The following CRYBG1 variants were observed in gnomAD, a reference collection of about 807,000 sequenced individuals.
The protein encoded by CRYBG1 is beta/gamma crystallin domain-containing protein 1.
CRYBG1 carries 139 observed loss-of-function variants against 189.2 expected under a neutral mutation model. That is an observed-to-expected ratio of 0.73 (90% CI 0.64 to 0.85). The LOEUF is 0.85. Ranked by LOEUF, CRYBG1 falls within the 40% of genes least tolerant of loss-of-function variation. The probability of loss-of-function intolerance (pLI) is 0.00; values close to 1 mark genes in which losing one functional copy is unlikely to be tolerated. For synonymous variants in CRYBG1, 1,023 were observed against 1,017.1 expected (o/e 1.01, Z -0.11); for missense variants, 2,611 against 2,675.8 (o/e 0.98, Z 0.53).
chr6:106,568,632 C>A lies in CRYBG1; in HGVS notation c.*66C>A. 1 of 1,207,880 alleles carries A rather than the reference C, an allele frequency of 8.3e-7. No homozygotes were observed. The highest frequency in any genetic ancestry group is 1.2e-6 in the Non-Finnish European group (1 of 822,286). 74.8% of individuals were successfully genotyped at this position (1,207,880 alleles called of 1,614,324 possible). On this transcript the variant is annotated 3_prime_UTR_variant, in exon 22 of 22. Transcript: ENST00000633556. ...ACCTTATTTCTTAAAAAGGACAATGCTGATGGAAGACCAGACTGGAAAGTG... is the reference window on the plus strand; with the variant it reads ...ACCTTATTTCTTAAAAAGGACAATGATGATGGAAGACCAGACTGGAAAGTG...
intron 21 of CRYBG1, among the ~76,000 whole-genome samples, chr6:106,567,046 C>CA (rs2114605764): frequency 6.6e-6 from 1 of 152,230 alleles, no homozygotes; most frequent in Non-Finnish European, 1.5e-5. Flanking sequence ...GAGAATGAAT[C>CA]AAATTATTTC....
At chr6:106,510,021 C>T (rs887500319) in intron 2 of CRYBG1, among the ~76,000 whole-genome samples, 11 of 152,162 alleles carry the variant, frequency 7.2e-5, no homozygotes, top group Admixed American at 7.2e-4. Flanking sequence ...CTGCATGTAA[C>T]TCAAACGCAA....
Position 106,563,832 on chromosome 6 carries a change from C to A in CRYBG1, c.6207C>A (p.Ala2069=). Residue 2069 remains alanine, a synonymous_variant, in exon 21 of 22, where the codon GCC becomes GCA. Coordinates refer to ENST00000633556, the MANE Select transcript of CRYBG1 (RefSeq NM_001371242.2). ...LVTSGSKLGL[A]LDQNADSQFW... ...CATCTGGCTCCAAGCTAGGCCTGGC[C>A]CTGGACCAGAATGCTGACAGCCAGT... is the stretch of plus-strand genomic sequence containing the variant. 1 of 1,613,782 alleles carries A rather than the reference C, an allele frequency of 6.2e-7. No individual in the cohort carries two copies. Among genetic ancestry groups the A allele is most frequent in the Non-Finnish European group, 8.5e-7 (1 of 1,179,708 alleles).
chr6:106,467,996 G>A (rs1772148080), intron 2 of CRYBG1, among the ~76,000 whole-genome samples: 1 of 152,156 alleles, frequency 6.6e-6, no homozygotes, highest in Non-Finnish European at 1.5e-5. Context: ...TTAAATGAGG[G>A]AGTCTTACAG....
intron 2 of CRYBG1, among the ~76,000 whole-genome samples, chr6:106,495,819 TAA>T (rs3040745): frequency 4.5e-4 from 58 of 128,436 alleles, no homozygotes; most frequent in Middle Eastern, 3.9e-3. Context: ...TTTCCTTGAG[TAA>T]AAAAAAAAAA....
At chr6:106,568,307 C>T (rs1347087528) in intron 21 of CRYBG1, among the ~76,000 whole-genome samples, 165 bp from the exon 22 acceptor site, 1 of 152,224 alleles carries the variant, frequency 6.6e-6, no homozygotes. Context: ...ACCCTCTCAT[C>T]CCACAGGGGC....
intron 1 of CRYBG1, among the ~76,000 whole-genome samples, chr6:106,413,494 T>A (rs1333750061): frequency 1.3e-5 from 2 of 152,098 alleles, no homozygotes; most frequent in African/African-American, 4.8e-5. Context: ...CTGGCCAAGA[T>A]GGTGAAACCC....
chr6:106,516,272 C>T (rs796981899), intron 3 of CRYBG1, among the ~76,000 whole-genome samples: 111 of 149,790 alleles, frequency 7.4e-4, no homozygotes, highest in African/African-American at 2.7e-3. Flanking sequence ...CTCACTCTGT[C>T]GCCCAGGCTG....
chr6:106,523,182 T>C (rs1773650040), intron 4 of CRYBG1, among the ~76,000 whole-genome samples: 1 of 152,166 alleles, frequency 6.6e-6, no homozygotes, highest in Admixed American at 6.5e-5. Context: ...CCCCATGGAC[T>C]ACCTGAAAGT....
chr6:106,544,857 G>C lies in CRYBG1; in HGVS notation c.5236G>C (p.Val1746Leu). ...NFGSKGSSID[V>L]LGIVANLKET... The stretch of plus-strand genomic sequence containing the variant: ...TGGATCCAAAGGTTCCAGTATTGAT[G>C]TATTGGGAATTGTTGCTAATTTAAA... Residue 1746 changes from valine to leucine, a missense_variant, in exon 13 of 22, where the codon GTA becomes CTA. Val to Leu is a conservative substitution (Grantham distance 32). This residue lies in a region of CRYBG1 where 1,622 missense variants were observed against 1,735.0 expected (regional missense o/e 0.93). Coordinates refer to ENST00000633556, the MANE Select transcript of CRYBG1 (RefSeq NM_001371242.2). 6.2e-7 allele frequency: 1 copy of C among 1,613,864 alleles called. No individual in the cohort carries two copies. Among genetic ancestry groups the C allele is most frequent in the Non-Finnish European group, 8.5e-7 (1 of 1,179,874 alleles).
intron 2 of CRYBG1, among the ~76,000 whole-genome samples, chr6:106,511,024 T>C (rs957710041): frequency 6.6e-6 from 1 of 152,186 alleles, no homozygotes; most frequent in Non-Finnish European, 1.5e-5. Context: ...AAGTCCGCCT[T>C]AGGATACTTT....
chr6:106,544,848 A>G lies in CRYBG1; in HGVS notation c.5227A>G (p.Ser1743Gly), dbSNP rs546612063. Residue 1743 changes from serine (S) to glycine (G), a missense_variant, in exon 13 of 22, where the codon AGT (serine) becomes GGT (glycine). Ser to Gly is a moderately conservative substitution (Grantham distance 56, BLOSUM62 0). Coordinates refer to ENST00000633556, the MANE Select transcript of CRYBG1 (RefSeq NM_001371242.2). ...SEKNFGSKGS[S>G]IDVLGIVANL... ...AAAAAACTTTGGATCCAAAGGTTCC[A>G]GTATTGATGTATTGGGAATTGTTGC... 1 of 1,613,600 alleles carries G rather than the reference A, an allele frequency of 6.2e-7. No homozygotes were observed. The highest frequency in any genetic ancestry group is 1.1e-5 in the South Asian group (1 of 90,936).
chr6:106,505,638 A>G (rs1057047894), intron 2 of CRYBG1, among the ~76,000 whole-genome samples: 65 of 151,820 alleles, frequency 4.3e-4, no homozygotes, highest in African/African-American at 1.6e-3. Flanking sequence ...ATTGAACAGA[A>G]TTTTCTAACC....
chr6:106,504,579 CT>C (rs1773089056), intron 2 of CRYBG1, among the ~76,000 whole-genome samples: 1 of 151,998 alleles, frequency 6.6e-6, no homozygotes, highest in African/African-American at 2.4e-5. Flanking sequence ...AAATGAAAAG[CT>C]TCTGTGCTTA....
intron 13 of CRYBG1, among the ~76,000 whole-genome samples, chr6:106,546,957 T>C (rs1467951230): frequency 1.3e-5 from 2 of 152,220 alleles, no homozygotes; most frequent in African/African-American, 4.8e-5. Context: ...ATTTTGTAGA[T>C]GATGCTATTA....
chr6:106,488,310 C>T (rs28415292), intron 2 of CRYBG1, among the ~76,000 whole-genome samples: 13,645 of 152,192 alleles, frequency 0.09, 873 homozygotes, highest in Admixed American at 0.2. Context: ...GGCATTCTCT[C>T]CAGTGGTGTA....
chr6:106,420,490 G>T (rs1443635510), intron 1 of CRYBG1, among the ~76,000 whole-genome samples: 1 of 152,184 alleles, frequency 6.6e-6, no homozygotes, highest in Non-Finnish European at 1.5e-5. Context: ...ATGACACAAG[G>T]TTGTGAAATG....
intron 2 of CRYBG1, among the ~76,000 whole-genome samples, chr6:106,508,788 C>A (rs1004654982): frequency 6.6e-6 from 1 of 152,066 alleles, no homozygotes; most frequent in East Asian, 1.9e-4. Flanking sequence ...TATGAACATT[C>A]ATGTATTTTT....
intron 1 of CRYBG1, among the ~76,000 whole-genome samples, chr6:106,420,094 T>C (rs1270663770): frequency 3.3e-5 from 5 of 152,180 alleles, no homozygotes; most frequent in Admixed American, 6.5e-5. Flanking sequence ...TTTGTACATT[T>C]TGATATCACT....
Sources: gnomAD v4.1 joint callset for allele counts (sites outside exome capture counted in the v4.1 genomes callset) on GRCh38, gnomAD v4.1.1 for gene constraint, gnomAD v4.1.1 regional missense constraint, MANE v1.5 for transcripts, NCBI Gene and HGNC (gene_info 2026-07-23, HGNC 2026-07-21) for gene names.